The following ANXA3 variants were observed in gnomAD, a reference collection of about 807,000 sequenced individuals.
ANXA3 encodes the protein 35-alpha calcimedin.
In ANXA3, 46 loss-of-function variants were observed where a neutral mutation model predicts 48.8. The observed-to-expected ratio is 0.94, with a 90% CI of 0.74 to 1.21. The LOEUF is 1.21. Among genes scored for constraint, ANXA3 ranks in the 50% most tolerant of loss-of-function variants. The pLI, the probability that ANXA3 is intolerant of heterozygous loss-of-function variation, is 0.00. For synonymous variants in ANXA3, 128 were observed against 134.7 expected, an observed-to-expected ratio of 0.95 and a Z score of 0.35; for missense variants, 383 against 378.6, an observed-to-expected ratio of 1.01 and a Z score of -0.10.
chr4:78,594,257 AT>A (rs905899702), intron 7 of ANXA3, among the ~76,000 whole-genome samples: 1 of 152,176 alleles, frequency 6.6e-6, no homozygotes, highest in Non-Finnish European at 1.5e-5. Context: ...ACTGAGTAGT[AT>A]TCCATTGTAT....
At chr4:78,603,984 A>G (rs1396306573) in intron 11 of ANXA3, 1 of 216,160 alleles carries the variant, frequency 4.6e-6, no homozygotes, top group Non-Finnish European at 9.1e-6. Context: ...CAATATTTTC[A>G]ACATGTCAGA....
At chr4:78,603,198 C>G (rs1042452250) in intron 11 of ANXA3, 2 of 152,206 alleles carry the variant, frequency 1.3e-5, no homozygotes, top group Non-Finnish European at 2.9e-5. Flanking sequence ...TCCATGCAGA[C>G]AGAGATATAA....
intron 2 of ANXA3, among the ~76,000 whole-genome samples, chr4:78,563,416 A>G (rs1225866762): frequency 1.3e-5 from 2 of 151,980 alleles, no homozygotes; most frequent in Non-Finnish European, 2.9e-5. Context: ...CCCCTTATTC[A>G]TAGGTTGAAA....
chr4:78,595,778 ATT>A lies in ANXA3; in HGVS notation c.541-15_541-14del. ...AGAAAATAATTGTGTCTCTAATATC[ATT>A]CTCTTGTGAATAGATTCTCTATAAA... On this transcript the variant is annotated splice_polypyrimidine_tract_variant and intron_variant, in intron 8 of 12. Coordinates refer to ENST00000264908, the MANE Select transcript of ANXA3 (RefSeq NM_005139.3). 2 of 1,513,332 alleles carry A rather than the reference ATT, an allele frequency of 1.3e-6. No homozygotes were observed. The highest frequency in any genetic ancestry group is 1.4e-5 in the African/African-American group (1 of 72,822). The allele number at this position is 1,513,332 out of a possible 1,614,324, so 93.7% of individuals were successfully genotyped here.
chr4:78,568,324 A>G (rs1722771623), intron 2 of ANXA3, among the ~76,000 whole-genome samples: 3 of 152,042 alleles, frequency 2.0e-5, no homozygotes, highest in Non-Finnish European at 4.4e-5. Flanking sequence ...TTTATAATCT[A>G]CTCCATTTTT....
chr4:78,592,349 C>T (rs545887069), intron 7 of ANXA3, among the ~76,000 whole-genome samples: 7 of 152,326 alleles, frequency 4.6e-5, no homozygotes, highest in African/African-American at 1.2e-4. Flanking sequence ...ATCCCAACAA[C>T]GGTCTCAGCC....
At chr4:78,578,458 G>A (rs369244139) in intron 3 of ANXA3, among the ~76,000 whole-genome samples, 2 of 152,076 alleles carry the variant, frequency 1.3e-5, no homozygotes, top group East Asian at 3.9e-4. Flanking sequence ...TATATGTTTT[G>A]GGGTCAGAGA....
chr4:78,595,993 T>C (rs1723417885), intron 9 of ANXA3, 106 bp downstream of exon 9: 2 of 710,072 alleles, frequency 2.8e-6, no homozygotes, highest in South Asian at 1.8e-5. Context: ...TTGCGAAGTC[T>C]GTTCCAGTTA....
At chr4:78,556,026 G>A (rs1211462817) in intron 2 of ANXA3, among the ~76,000 whole-genome samples, 1 of 152,000 alleles carries the variant, frequency 6.6e-6, no homozygotes, top group Non-Finnish European at 1.5e-5. Context: ...TACACTTTTG[G>A]ATAGTATTTT....
chr4:78,552,092 A>G, intron 1 of ANXA3: 1 of 152,150 alleles, frequency 6.6e-6, no homozygotes, highest in South Asian at 2.1e-4. Context: ...ACGGGGGGGA[A>G]AGTGCCGTGC....
At chr4:78,554,629 G>A (rs1722472464) in intron 2 of ANXA3, 141 bp downstream of exon 2, 1 of 657,868 alleles carries the variant, frequency 1.5e-6, no homozygotes, top group Non-Finnish European at 2.7e-6. Context: ...GCCAGAGGAT[G>A]TCAAAAATAA....
intron 12 of ANXA3, among the ~76,000 whole-genome samples, chr4:78,607,942 A>G (rs929211392): frequency 3.3e-5 from 5 of 152,168 alleles, no homozygotes; most frequent in Admixed American, 2.0e-4. Context: ...AGCAAGAGGG[A>G]AAGAAGTAAT....
intron 2 of ANXA3, chr4:78,572,948 G>A (rs943738098): frequency 1.1e-5 from 7 of 614,286 alleles, no homozygotes; most frequent in Non-Finnish European, 1.8e-5. Context: ...ACCCAGGAAT[G>A]AGCAAAGACA....
At chr4:78,587,680 T>C (rs1723206234) in intron 6 of ANXA3, among the ~76,000 whole-genome samples, 1 of 152,208 alleles carries the variant, frequency 6.6e-6, no homozygotes. Flanking sequence ...GGGAGATTCT[T>C]GTTAGAAGGT....
chr4:78,600,594 T>C (rs1723514978), intron 10 of ANXA3, among the ~76,000 whole-genome samples: 1 of 152,194 alleles, frequency 6.6e-6, no homozygotes, highest in South Asian at 2.1e-4. Context: ...TTCTAATACA[T>C]TTCTCCTTCT....
intron 7 of ANXA3, among the ~76,000 whole-genome samples, chr4:78,593,640 T>C (rs1723352502): frequency 6.7e-6 from 1 of 150,046 alleles, no homozygotes; most frequent in Non-Finnish European, 1.5e-5. Flanking sequence ...TTATTATTAT[T>C]ATTATTATTA....
At chr4:78,554,590 T>G (rs1722471495) in intron 2 of ANXA3, 102 bp downstream of exon 2, 7 of 1,002,992 alleles carry the variant, frequency 7.0e-6, no homozygotes, top group Non-Finnish European at 9.4e-6. Flanking sequence ...GTTTTTAAGT[T>G]TATCTGGCAA....
chr4:78,565,883 C>G (rs1230492406), intron 2 of ANXA3, among the ~76,000 whole-genome samples: 3 of 152,078 alleles, frequency 2.0e-5, no homozygotes, highest in Non-Finnish European at 4.4e-5. Context: ...AAAACAAATA[C>G]ATGGAGGAGA....
intron 2 of ANXA3, among the ~76,000 whole-genome samples, chr4:78,559,177 T>C (rs757226703): frequency 6.6e-6 from 1 of 152,094 alleles, no homozygotes; most frequent in Non-Finnish European, 1.5e-5. Context: ...CCTCCTGGGC[T>C]CAAGCGATCC....
Sources: gnomAD v4.1 joint callset for allele counts (sites outside exome capture counted in the v4.1 genomes callset) on GRCh38, gnomAD v4.1.1 for gene constraint, MANE v1.5 for transcripts, NCBI Gene and HGNC (gene_info 2026-07-23, HGNC 2026-07-21) for gene names.